DEPDC5: variants seen among roughly 807,000 people sequenced by gnomAD.
DEPDC5 encodes the protein GATOR1 complex protein DEPDC5.
A neutral mutation model predicts 217.3 loss-of-function variants in DEPDC5; 73 were observed. That is an observed-to-expected ratio of 0.34 (90% confidence interval 0.28 to 0.41). The LOEUF (loss-of-function observed/expected upper bound fraction) is 0.41. Ranked by LOEUF, DEPDC5 falls within the 10% of genes least tolerant of loss-of-function variation. The probability of loss-of-function intolerance (pLI) is 1.00; values close to 1 mark genes in which losing one functional copy is unlikely to be tolerated. For missense variants in DEPDC5, 1,675 were observed against 2,070.1 expected (o/e 0.81, Z 3.70); for synonymous variants, 733 against 756.7 (o/e 0.97, Z 0.51).
intron 17 of DEPDC5, among the ~76,000 whole-genome samples, chr22:31,805,661 C>T (rs944182595): frequency 1.3e-4 from 20 of 152,120 alleles, no homozygotes; most frequent in Admixed American, 2.6e-4. Flanking sequence ...CCGCCACGCC[C>T]GGCTAATTTT....
chr22:31,791,147 A>G (rs774132820), intron 10 of DEPDC5, among the ~76,000 whole-genome samples: 4 of 152,018 alleles, frequency 2.6e-5, no homozygotes, highest in Non-Finnish European at 5.9e-5. Flanking sequence ...CCATTACTTA[A>G]TGCTGATTTG....
intron 12 of DEPDC5, among the ~76,000 whole-genome samples, chr22:31,794,548 A>T (rs1047718938): frequency 1.3e-5 from 2 of 152,166 alleles, no homozygotes; most frequent in Non-Finnish European, 2.9e-5. Context: ...GAAACTGGTT[A>T]TCTTTTTCTT....
At chr22:31,783,331 A>G (rs2084650755) in intron 8 of DEPDC5, among the ~76,000 whole-genome samples, 1 of 152,032 alleles carries the variant, frequency 6.6e-6, no homozygotes, top group African/African-American at 2.4e-5. Flanking sequence ...GGTCCGTGCC[A>G]CCTTTAACAG....
chr22:31,765,197 C>G (rs2082709587), intron 5 of DEPDC5, 137 bp downstream of exon 5: 2 of 685,640 alleles, frequency 2.9e-6, no homozygotes, highest in Non-Finnish European at 5.1e-6. Flanking sequence ...GTGGTAATTT[C>G]AGTACATCAG....
intron 20 of DEPDC5, 81 bp from the exon 21 acceptor site, chr22:31,814,911 G>C: frequency 6.6e-7 from 1 of 1,506,404 alleles, no homozygotes; most frequent in South Asian, 1.2e-5. Flanking sequence ...TGTGGCTTGG[G>C]CTGGTGATGG....
At chr22:31,850,768 A>G (rs952267263) in intron 31 of DEPDC5, among the ~76,000 whole-genome samples, 2 of 152,122 alleles carry the variant, frequency 1.3e-5, no homozygotes, top group African/African-American at 4.8e-5. Context: ...TAGTTAATAT[A>G]TAAAACCCAG....
intron 40 of DEPDC5, among the ~76,000 whole-genome samples, chr22:31,899,337 C>G (rs908230503): frequency 3.3e-5 from 5 of 152,056 alleles, no homozygotes; most frequent in Admixed American, 3.3e-4. Context: ...CAAGAGTGTG[C>G]TGTGTGTGTG....
intron 17 of DEPDC5, 41 bp downstream of exon 17, chr22:31,804,956 G>A: frequency 6.4e-7 from 1 of 1,559,188 alleles, no homozygotes; most frequent in Non-Finnish European, 8.8e-7. Flanking sequence ...TAAGCGTTTT[G>A]AACAGCTTCC....
At chr22:31,826,660 C>T (rs1461206578) in intron 24 of DEPDC5, among the ~76,000 whole-genome samples, 1 of 152,132 alleles carries the variant, frequency 6.6e-6, no homozygotes, top group Non-Finnish European at 1.5e-5. Flanking sequence ...CGCACAGCTC[C>T]GTATGCATAA....
At chr22:31,790,887 C>G (rs1407263344) in intron 10 of DEPDC5, among the ~76,000 whole-genome samples, 2 of 151,856 alleles carry the variant, frequency 1.3e-5, no homozygotes, top group Non-Finnish European at 2.9e-5. Context: ...GCTGCAATTT[C>G]AGGCGCGTGC....
chr22:31,768,784 C>T (rs1480562636), intron 6 of DEPDC5, 30 bp from the exon 7 acceptor site: 4 of 1,589,028 alleles, frequency 2.5e-6, no homozygotes, highest in East Asian at 2.2e-5. Context: ...CTCCCTCCCT[C>T]TCTCTACCCC....
intron 16 of DEPDC5, 64 bp downstream of exon 16, chr22:31,804,287 C>A: frequency 6.5e-7 from 1 of 1,527,400 alleles, no homozygotes; most frequent in African/African-American, 1.4e-5. Flanking sequence ...GAGAAAAATT[C>A]CAGGCGCTGT....
intron 5 of DEPDC5, among the ~76,000 whole-genome samples, chr22:31,765,444 C>T (rs575144206): frequency 3.9e-5 from 6 of 152,174 alleles, no homozygotes; most frequent in South Asian, 4.2e-4. Context: ...CCTGCACCAC[C>T]GCACCCAGCT....
intron 20 of DEPDC5, 24 bp from the exon 21 acceptor site, chr22:31,814,968 A>T: frequency 6.2e-7 from 1 of 1,613,236 alleles, no homozygotes; most frequent in South Asian, 1.1e-5. Context: ...GCTTGATGGT[A>T]ACTTTTTGTC....
chr22:31,768,105 T>G (rs1291979617), intron 6 of DEPDC5, among the ~76,000 whole-genome samples: 2 of 151,104 alleles, frequency 1.3e-5, no homozygotes. Context: ...TAATTTTTTT[T>G]TATTTCCGTG....
chr22:31,863,432 G>A (rs1454793000), intron 33 of DEPDC5, among the ~76,000 whole-genome samples: 1 of 152,194 alleles, frequency 6.6e-6, no homozygotes, highest in Non-Finnish European at 1.5e-5. Context: ...CTCTGAAAGT[G>A]CTAGGATTAC....
intron 14 of DEPDC5, 117 bp from the exon 15 acceptor site, chr22:31,802,587 G>C: frequency 8.5e-7 from 1 of 1,176,704 alleles, no homozygotes; most frequent in South Asian, 1.8e-5. Context: ...CTAGAATGTG[G>C]CAGTTGCTAT....
chr22:31,758,189 A>G (rs1023780171), intron 2 of DEPDC5, among the ~76,000 whole-genome samples: 1 of 152,162 alleles, frequency 6.6e-6, no homozygotes. Flanking sequence ...ATCTGTGGGA[A>G]CCAGCCTGTT....
Position 31,768,831 on chromosome 22 carries a change from T to C in DEPDC5, c.381T>C (p.Tyr127=). Residue 127 remains tyrosine, a synonymous_variant, in exon 7 of 43, where the codon TAT becomes TAC. Transcript: ENST00000651528. ...CCTCTTAGGTCAGCACATGTGCCTA[T>C]ATCACCCAGAAGGTGGAGTTTGCTG... ...LKKSLVSTCA[Y]ITQKVEFAGI... is the part of the protein sequence containing the mutation. 3 of 1,611,350 alleles carry C rather than the reference T, an allele frequency of 1.9e-6. No individual in the cohort carries two copies. Among genetic ancestry groups the C allele is most frequent in the African/African-American group, 2.7e-5 (2 of 74,922 alleles).
Sources: allele counts gnomAD v4.1 joint callset (sites outside exome capture counted in the v4.1 genomes callset), GRCh38; gene constraint gnomAD v4.1.1; transcripts MANE v1.5; gene names NCBI Gene and HGNC (gene_info 2026-07-23, HGNC 2026-07-21).